The following BCAS1 variants were observed in gnomAD, a reference collection of about 807,000 sequenced individuals.
The protein encoded by BCAS1 is brain enriched myelin associated protein 1.
A neutral mutation model predicts 65.4 loss-of-function variants in BCAS1; 46 were observed. That is an observed-to-expected ratio of 0.70 (90% confidence interval 0.55 to 0.90). BCAS1 has a LOEUF of 0.90. Ranked by LOEUF, BCAS1 falls within the 40% of genes least tolerant of loss-of-function variation. The pLI, the probability that BCAS1 is intolerant of heterozygous loss-of-function variation, is 0.00. For missense variants in BCAS1, 793 were observed against 771.2 expected (o/e 1.03, Z -0.33); for synonymous variants, 298 against 293.5 (o/e 1.02, Z -0.16).
intron 6 of BCAS1, among the ~76,000 whole-genome samples, chr20:53,993,180 C>T (rs78839171): frequency 0.028 from 4,282 of 152,244 alleles, 228 homozygotes; most frequent in African/African-American, 0.096. Context: ...GGTAGACCCC[C>T]GCCAGGCAGA....
chr20:54,068,137 G>A (rs1424160388), intron 1 of BCAS1, among the ~76,000 whole-genome samples: 3 of 152,208 alleles, frequency 2.0e-5, no homozygotes, highest in African/African-American at 7.2e-5. Flanking sequence ...AACTGCCCAA[G>A]CCCTGATTCC....
intron 12 of BCAS1, 62 bp downstream of exon 12, chr20:53,953,369 TG>T (rs2089589420): frequency 1.3e-6 from 2 of 1,586,334 alleles, no homozygotes; most frequent in Non-Finnish European, 1.7e-6. Flanking sequence ...AAAAACTGAC[TG>T]GGGCAGATGG....
At chr20:54,036,261 A>G (rs2091898415) in intron 3 of BCAS1, among the ~76,000 whole-genome samples, 1 of 151,222 alleles carries the variant, frequency 6.6e-6, no homozygotes. Flanking sequence ...AAAAGATGAC[A>G]TACCAAAGAG....
At chr20:53,976,671 CA>C (rs1236243920) in intron 8 of BCAS1, among the ~76,000 whole-genome samples, 1 of 152,144 alleles carries the variant, frequency 6.6e-6, no homozygotes, top group Non-Finnish European at 1.5e-5. Context: ...ATCTAAAAGC[CA>C]AATTTTCCCC....
chr20:54,021,269 C>T (rs957116773), intron 4 of BCAS1, among the ~76,000 whole-genome samples: 3 of 151,772 alleles, frequency 2.0e-5, no homozygotes, highest in Admixed American at 6.6e-5. Flanking sequence ...AAATATTACA[C>T]GTCCAATTCC....
chr20:53,979,792 TTTTG>T (rs1438899087), intron 8 of BCAS1, among the ~76,000 whole-genome samples: 1 of 152,238 alleles, frequency 6.6e-6, no homozygotes, highest in Admixed American at 6.5e-5. Flanking sequence ...CTGATATTTA[TTTTG>T]TTTATGTAAA....
chr20:54,048,921 G>A (rs896067168), intron 3 of BCAS1, among the ~76,000 whole-genome samples: 3 of 152,210 alleles, frequency 2.0e-5, no homozygotes, highest in African/African-American at 4.8e-5. Context: ...CAAGCGTCCT[G>A]CTCTCAGGGA....
intron 8 of BCAS1, among the ~76,000 whole-genome samples, chr20:53,983,776 C>G (rs2090543076): frequency 6.6e-6 from 1 of 152,182 alleles, no homozygotes; most frequent in South Asian, 2.1e-4. Flanking sequence ...TTTCTTAGCA[C>G]CACCTTCAGT....
At chr20:54,041,813 C>A (rs2091998891) in intron 3 of BCAS1, among the ~76,000 whole-genome samples, 2 of 146,038 alleles carry the variant, frequency 1.4e-5, no homozygotes, top group African/African-American at 5.1e-5. Flanking sequence ...GCAGGAGAAT[C>A]ATTTGAACCT....
At chr20:54,039,992 C>A (rs1007967764) in intron 3 of BCAS1, among the ~76,000 whole-genome samples, 1 of 151,292 alleles carries the variant, frequency 6.6e-6, no homozygotes, top group Non-Finnish European at 1.5e-5. Context: ...TCAATAGCTC[C>A]AAAGCTATCT....
chr20:53,958,600 A>T lies in BCAS1; in HGVS notation c.1486-1103T>A, dbSNP rs1221392183. 2.6e-5 allele frequency among the ~76,000 whole-genome samples: 4 copies of T among 152,252 alleles called. No individual in the cohort carries two copies. The East Asian group carries it at 7.7e-4, about 29-fold the overall frequency. On this transcript the variant is annotated intron_variant, in intron 10 of 12. Coordinates refer to ENST00000688948, the MANE Select transcript of BCAS1 (RefSeq NM_001366298.2). ...ACTTTTTGACTGATTAATATTATGT[A>T]TCTTTGTTGTCTGAGCTACGGTGTT...
chr20:54,029,247 ATCT>A (rs2091749406), intron 3 of BCAS1: 14 of 984,642 alleles, frequency 1.4e-5, no homozygotes, highest in South Asian at 4.7e-5. Context: ...ATGTTAATTA[ATCT>A]TCTTTTATCT....
Position 54,058,734 on chromosome 20 carries a change from G to A in BCAS1, c.-5-11C>T. ...GGTTACCCATTGCTCCTATAATGGA[G>A]AGAAAGAGAGGAAGAGAGAAAGAAA... On this transcript the variant is annotated splice_polypyrimidine_tract_variant and intron_variant, in intron 1 of 12. Transcript: ENST00000688948. 6.2e-7 allele frequency: 1 copy of A among 1,608,422 alleles called. No homozygotes were observed. The highest frequency in any genetic ancestry group is 2.2e-5 in the East Asian group (1 of 44,816).
intron 4 of BCAS1, among the ~76,000 whole-genome samples, chr20:54,006,170 TG>T (rs1436530409): frequency 3.3e-5 from 5 of 152,190 alleles, no homozygotes; most frequent in Admixed American, 2.0e-4. Flanking sequence ...AGAAACATCA[TG>T]TGGATGCCCA....
In BCAS1 at chr20:53,985,308, C is replaced by T. The variant is rs747726722; in HGVS notation, c.1254G>A (p.Leu418=). ...KEKSGPTSLP[L]GKLFWKKSVK... ...TTACCTTTTTCCAAAACAGTTTGCC[C>T]AGAGGCAGAGAGGTGGGTCCTGATT... Residue 418 remains leucine, a synonymous_variant, in exon 8 of 13, where the codon CTG becomes CTA. Coordinates refer to ENST00000688948, the MANE Select transcript of BCAS1 (RefSeq NM_001366298.2). 6.2e-7 allele frequency: 1 copy of T among 1,613,606 alleles called. No homozygotes were observed. The highest frequency in any genetic ancestry group is 8.5e-7 in the Non-Finnish European group (1 of 1,179,940).
intron 3 of BCAS1, among the ~76,000 whole-genome samples, chr20:54,054,924 T>C (rs1392162861): frequency 6.6e-6 from 1 of 152,238 alleles, no homozygotes; most frequent in African/African-American, 2.4e-5. Flanking sequence ...CATACATGTA[T>C]GTGAGACATA....
chr20:53,987,348 T>C (rs1044170175), intron 7 of BCAS1, among the ~76,000 whole-genome samples: 12 of 152,234 alleles, frequency 7.9e-5, no homozygotes, highest in Non-Finnish European at 1.3e-4. Flanking sequence ...TTGCATTTTA[T>C]AGACAGTGAA....
chr20:53,966,157 C>T (rs1441307945), intron 10 of BCAS1, among the ~76,000 whole-genome samples: 1 of 152,134 alleles, frequency 6.6e-6, no homozygotes, highest in Admixed American at 6.6e-5. Context: ...AAGTCATTAT[C>T]TGAAAAAGAC....
chr20:53,956,254 A>T (rs960302271), intron 11 of BCAS1, among the ~76,000 whole-genome samples: 9 of 152,186 alleles, frequency 5.9e-5, no homozygotes, highest in African/African-American at 9.6e-5. Flanking sequence ...TAGTGTCCTT[A>T]TAAGAAGAGA....
Sources: allele counts gnomAD v4.1 joint callset (sites outside exome capture counted in the v4.1 genomes callset), GRCh38; gene constraint gnomAD v4.1.1; transcripts MANE v1.5; gene names NCBI Gene and HGNC (gene_info 2026-07-23, HGNC 2026-07-21).